Variants in CTNNA2 observed in about 807,000 individuals in gnomAD.
CTNNA2 encodes catenin alpha 2.
Under a neutral mutation model 101.0 loss-of-function variants are expected in CTNNA2, and 42 were observed. That is an observed-to-expected ratio of 0.42 (90% confidence interval 0.32 to 0.54). The LOEUF (loss-of-function observed/expected upper bound fraction) is 0.54. CTNNA2 is among the 20% of genes least tolerant of loss of function. The pLI is 0.14. For missense variants in CTNNA2, 871 were observed against 1,223.1 expected (o/e 0.71, Z 4.29); for synonymous variants, 450 against 456.4 (o/e 0.99, Z 0.18).
rs1027126052 is a variant in CTNNA2, at chr2:79,912,074, G to A, written c.1056+2277G>A. On this transcript the variant is annotated intron_variant, in intron 7 of 18. Coordinates refer to ENST00000402739, the MANE Select transcript of CTNNA2 (RefSeq NM_001282597.3). ...AATTTCATAAGCTCTGAGAATAAAGGTATTATCAAATGATCACCTTGCAAG... is the reference window on the plus strand; with the variant it reads ...AATTTCATAAGCTCTGAGAATAAAGATATTATCAAATGATCACCTTGCAAG... Among the ~76,000 whole-genome samples the A allele has an allele frequency of 7.9e-5, 12 of 152,274 alleles. No individual in the cohort carries two copies. In the East Asian group the frequency reaches 2.3e-3, roughly 29 times the overall value.
intron 4 of CTNNA2, among the ~76,000 whole-genome samples, chr2:79,406,502 T>C (rs1678343351): frequency 6.6e-6 from 1 of 152,028 alleles, no homozygotes; most frequent in African/African-American, 2.4e-5. Context: ...CTTTTCAGTT[T>C]TTCTACCTTA....
chr2:79,956,411 A>G lies in CTNNA2; in HGVS notation c.1056+46614A>G, dbSNP rs377181701. Among the ~76,000 whole-genome samples the G allele has an allele frequency of 6.6e-5, 10 of 152,320 alleles. No individual in the cohort carries two copies. In the East Asian group the frequency reaches 1.4e-3, roughly 21 times the overall value. ...CGTTTAAAGAAAACACACCAACAGT[A>G]TATTGAAAGCTGATGGGAAAATGAA... is the stretch of plus-strand genomic sequence containing the variant. On this transcript the variant is annotated intron_variant, in intron 7 of 18. Coordinates refer to ENST00000402739, the MANE Select transcript of CTNNA2 (RefSeq NM_001282597.3).
chr2:79,991,835 T>C (rs1234208641), intron 7 of CTNNA2, among the ~76,000 whole-genome samples: 1 of 152,110 alleles, frequency 6.6e-6, no homozygotes, highest in Non-Finnish European at 1.5e-5. Context: ...ATTTGAGGAG[T>C]GCCACAGTCT....
intron 2 of CTNNA2, among the ~76,000 whole-genome samples, chr2:79,279,911 C>T (rs1341597166): frequency 6.6e-6 from 1 of 152,088 alleles, no homozygotes; most frequent in Non-Finnish European, 1.5e-5. Flanking sequence ...GAAGTTTTAT[C>T]CTCACCTTAT....
chr2:80,596,304 TTTTTTTTTTTTTTTTTTTTTTTTG>T (rs1696967471), intron 15 of CTNNA2, among the ~76,000 whole-genome samples: 3 of 71,110 alleles, frequency 4.2e-5, no homozygotes, highest in South Asian at 1.4e-3. Flanking sequence ...TTTTTTTTTT[TTTTTTTTTTTTTTTTTTTTTTTTG>T]AGACGGAGTC....
At chr2:79,953,353 G>A (rs1247465861) in intron 7 of CTNNA2, among the ~76,000 whole-genome samples, 1 of 152,148 alleles carries the variant, frequency 6.6e-6, no homozygotes, top group Non-Finnish European at 1.5e-5. Flanking sequence ...AGTTCCAGAC[G>A]AGGGAGGCAC....
intron 1 of CTNNA2, among the ~76,000 whole-genome samples, chr2:79,611,258 G>T (rs1286838937): frequency 6.6e-6 from 1 of 151,990 alleles, no homozygotes; most frequent in Non-Finnish European, 1.5e-5. Context: ...AATTTGGCAC[G>T]CTTAATATCT....
At chr2:79,409,695 T>G (rs1303424799) in intron 4 of CTNNA2, among the ~76,000 whole-genome samples, 2 of 150,324 alleles carry the variant, frequency 1.3e-5, no homozygotes, top group African/African-American at 4.9e-5. Context: ...CTGTTTTGGT[T>G]ACTGTAGCCT....
intron 1 of CTNNA2, among the ~76,000 whole-genome samples, chr2:79,554,423 A>G (rs1008880694): frequency 5.9e-5 from 9 of 152,280 alleles, no homozygotes; most frequent in African/African-American, 2.2e-4. Context: ...GAGAGGACAT[A>G]TGCTATATAG....
intron 7 of CTNNA2, among the ~76,000 whole-genome samples, chr2:79,965,821 C>G (rs1360133525): frequency 1.8e-5 from 1 of 55,292 alleles, no homozygotes; most frequent in Non-Finnish European, 2.9e-5. Flanking sequence ...TGGAGTGAGA[C>G]TATGTCAAAA....
intron 7 of CTNNA2, among the ~76,000 whole-genome samples, chr2:80,063,655 C>T (rs1697766926): frequency 6.6e-6 from 1 of 152,196 alleles, no homozygotes; most frequent in South Asian, 2.1e-4. Flanking sequence ...TTCTGATACT[C>T]CTTAGAGAAC....
intron 7 of CTNNA2, among the ~76,000 whole-genome samples, chr2:80,319,604 G>T (rs1306246519): frequency 6.6e-6 from 1 of 152,160 alleles, no homozygotes; most frequent in African/African-American, 2.4e-5. Context: ...AAAATGAAAA[G>T]CAATACTTTG....
intron 4 of CTNNA2, among the ~76,000 whole-genome samples, chr2:79,428,420 A>G (rs900808695): frequency 1.3e-5 from 2 of 152,126 alleles, no homozygotes; most frequent in African/African-American, 4.8e-5. Context: ...ATAAGCAGAA[A>G]GTAAGCTGGA....
intron 2 of CTNNA2, among the ~76,000 whole-genome samples, chr2:79,731,829 T>C (rs1687214171): frequency 3.7e-5 from 1 of 26,786 alleles, no homozygotes; most frequent in South Asian, 2.0e-3. Flanking sequence ...ATTCTACAAC[T>C]TTATTTTTGT....
intron 9 of CTNNA2, among the ~76,000 whole-genome samples, chr2:80,522,944 T>C (rs1192163161): frequency 6.6e-6 from 1 of 152,174 alleles, no homozygotes; most frequent in African/African-American, 2.4e-5. Flanking sequence ...GGTCCTGTGG[T>C]GCATATGTTT....
rs187753913 is a variant in CTNNA2 at position 79,383,590 on chromosome 2, T to A, written c.-135+9577T>A. On this transcript the variant is annotated intron_variant, in intron 4 of 21. Coordinates refer to the CTNNA2 transcript ENST00000466387. ...CCTCCTAATTTTCCATCACATGGCA[T>A]AGTGCGTATGCAGGCAGATGTTAAA... Among the ~76,000 whole-genome samples, 12 of 152,272 alleles carry A rather than the reference T, an allele frequency of 7.9e-5. No homozygotes were observed. The East Asian group carries it at 2.3e-3, about 29-fold the overall frequency.
At chr2:80,079,895 T>TAAAATA (rs1462703412) in intron 7 of CTNNA2, among the ~76,000 whole-genome samples, 1 of 115,006 alleles carries the variant, frequency 8.7e-6, no homozygotes, top group Non-Finnish European at 2.0e-5. Flanking sequence ...TAAAATAAAA[T>TAAAATA]AAATAAAATA....
At chr2:79,904,796 A>G (rs1308730384) in intron 6 of CTNNA2, among the ~76,000 whole-genome samples, 2 of 152,192 alleles carry the variant, frequency 1.3e-5, no homozygotes, top group Non-Finnish European at 2.9e-5. Flanking sequence ...TCGGTGTCTC[A>G]TTGTATACTG....
chr2:79,241,865 C>A (rs564334825), intron 2 of CTNNA2, among the ~76,000 whole-genome samples: 1 of 151,024 alleles, frequency 6.6e-6, no homozygotes, highest in Non-Finnish European at 1.5e-5. Context: ...ATAAAAACAG[C>A]ATCGAATCAC....
Sources: gnomAD v4.1 joint callset for allele counts (sites outside exome capture counted in the v4.1 genomes callset) on GRCh38, gnomAD v4.1.1 for gene constraint, MANE v1.5 for transcripts, NCBI Gene and HGNC (gene_info 2026-07-23, HGNC 2026-07-21) for gene names.